CA10: variants seen among roughly 807,000 people sequenced by gnomAD.
CA10 encodes the protein carbonic anhydrase 10 (inactive).
CA10 carries 14 observed loss-of-function variants against 44.2 expected under a neutral mutation model. That is an observed-to-expected ratio of 0.32 (90% CI 0.21 to 0.50). CA10 has a LOEUF of 0.50. Ranked by LOEUF, CA10 falls within the 20% of genes least tolerant of loss-of-function variation. The pLI, the probability that CA10 is intolerant of heterozygous loss-of-function variation, is 0.99. For synonymous variants in CA10, 159 were observed against 141.6 expected (o/e 1.12, Z -0.87); for missense variants, 350 against 409.7 (o/e 0.85, Z 1.26).
intron 3 of CA10, among the ~76,000 whole-genome samples, chr17:51,837,913 C>A (rs1978292504): frequency 6.6e-6 from 1 of 152,276 alleles, no homozygotes; most frequent in Middle Eastern, 3.4e-3. Flanking sequence ...TGGTCAAGGG[C>A]AAATTTGGAT....
At chr17:51,745,699 A>G (rs977240851) in intron 4 of CA10, among the ~76,000 whole-genome samples, 1 of 152,260 alleles carries the variant, frequency 6.6e-6, no homozygotes, top group South Asian at 2.1e-4. Flanking sequence ...AAGTGTCACT[A>G]AAGAATAATA....
At chr17:51,666,466 C>T (rs1914211161) in intron 4 of CA10, among the ~76,000 whole-genome samples, 1 of 152,176 alleles carries the variant, frequency 6.6e-6, no homozygotes, top group Non-Finnish European at 1.5e-5. Flanking sequence ...TTGTTTCTGA[C>T]ACTCGATTGA....
intron 2 of CA10, among the ~76,000 whole-genome samples, chr17:51,964,986 A>C (rs1451260244): frequency 6.6e-6 from 1 of 152,002 alleles, no homozygotes; most frequent in Admixed American, 6.6e-5. Flanking sequence ...AGGATAAACA[A>C]TTTCAATAGA....
chr17:51,903,502 T>C (rs542268754), intron 3 of CA10, among the ~76,000 whole-genome samples: 13 of 152,114 alleles, frequency 8.5e-5, no homozygotes, highest in Admixed American at 2.0e-4. Context: ...AGGCAAACAC[T>C]AATGGAGAGA....
intron 3 of CA10, among the ~76,000 whole-genome samples, chr17:51,893,403 T>C (rs1206435771): frequency 6.6e-6 from 1 of 152,196 alleles, no homozygotes; most frequent in Non-Finnish European, 1.5e-5. Flanking sequence ...GTGATGACTG[T>C]AAAATTAGTG....
intron 3 of CA10, among the ~76,000 whole-genome samples, chr17:51,788,632 T>A (rs1186384829): frequency 6.6e-6 from 1 of 152,196 alleles, no homozygotes; most frequent in Non-Finnish European, 1.5e-5. Flanking sequence ...GCAAAAATAA[T>A]CTTTAAAAAA....
intron 3 of CA10, among the ~76,000 whole-genome samples, chr17:51,759,885 CTAAATA>C (rs1815689018): frequency 6.6e-6 from 1 of 152,154 alleles, no homozygotes; most frequent in African/African-American, 2.4e-5. Context: ...AAAGCTCTTT[CTAAATA>C]TATGTAGTGG....
At chr17:52,021,909 T>A (rs760127017) in intron 2 of CA10, among the ~76,000 whole-genome samples, 71 of 152,008 alleles carry the variant, frequency 4.7e-4, no homozygotes, top group Non-Finnish European at 1.8e-4. Flanking sequence ...AATCAGTCAT[T>A]TTAAAAGACT....
intron 2 of CA10, among the ~76,000 whole-genome samples, chr17:52,056,538 A>G (rs1486475781): frequency 6.6e-6 from 1 of 152,114 alleles, no homozygotes; most frequent in Non-Finnish European, 1.5e-5. Flanking sequence ...AGCCTTTGCT[A>G]TATAGTTTAT....
chr17:51,994,336 A>C (rs1295822367), intron 2 of CA10, among the ~76,000 whole-genome samples: 1 of 152,070 alleles, frequency 6.6e-6, no homozygotes, highest in Non-Finnish European at 1.5e-5. Flanking sequence ...AAGACCCTAC[A>C]TGGTATAATG....
chr17:52,011,942 G>GA (rs1383413100), intron 2 of CA10, among the ~76,000 whole-genome samples: 8 of 152,050 alleles, frequency 5.3e-5, no homozygotes, highest in Non-Finnish European at 8.8e-5. Context: ...GCAATCCACA[G>GA]AAAAAATGGC....
chr17:51,995,498 T>C (rs984335919), intron 2 of CA10, among the ~76,000 whole-genome samples: 1 of 152,040 alleles, frequency 6.6e-6, no homozygotes, highest in African/African-American at 2.4e-5. Flanking sequence ...ATTCAACCAT[T>C]GAGAAAATTT....
chr17:51,753,287 T>A (rs1329244971), intron 3 of CA10, among the ~76,000 whole-genome samples: 1 of 152,224 alleles, frequency 6.6e-6, no homozygotes, highest in Admixed American at 6.5e-5. Context: ...CTAGAAGCAC[T>A]ATGTTCTTTT....
intron 6 of CA10, among the ~76,000 whole-genome samples, chr17:51,646,984 GCCAGGATCTCTTTATCTTGCTTTGGCTC>G (rs572318110): frequency 7.5e-4 from 114 of 151,536 alleles, no homozygotes; most frequent in African/African-American, 2.3e-3. Context: ...CCCCATGCAG[GCCAGGATCTCTTTATCTTGCTTTGGCTC>G]CCCTTTCTTT....
At chr17:52,120,132 C>T (rs1158851242) in intron 1 of CA10, among the ~76,000 whole-genome samples, 2 of 152,208 alleles carry the variant, frequency 1.3e-5, no homozygotes, top group African/African-American at 2.4e-5. Flanking sequence ...CTATAGCCAC[C>T]AGTTATCTGT....
chr17:52,125,235 C>T (rs1441885378), intron 1 of CA10, among the ~76,000 whole-genome samples: 1 of 152,170 alleles, frequency 6.6e-6, no homozygotes, highest in Non-Finnish European at 1.5e-5. Flanking sequence ...TTGCTAGTGT[C>T]TCATTGATAA....
intron 3 of CA10, among the ~76,000 whole-genome samples, chr17:51,859,514 T>A (rs1979207071): frequency 6.6e-6 from 1 of 152,146 alleles, no homozygotes; most frequent in Non-Finnish European, 1.5e-5. Flanking sequence ...GGATACCCAG[T>A]CACACAGTGA....
chr17:52,105,270 T>TTG (rs1567734891), intron 1 of CA10, among the ~76,000 whole-genome samples: 2 of 152,064 alleles, frequency 1.3e-5, no homozygotes, highest in African/African-American at 4.8e-5. Context: ...TTTTTTTTTT[T>TTG]TGAAATGGAG....
At chr17:51,967,160 A>G (rs932680307) in intron 2 of CA10, among the ~76,000 whole-genome samples, 2 of 151,728 alleles carry the variant, frequency 1.3e-5, no homozygotes, top group African/African-American at 4.8e-5. Context: ...ATGTGTCAGA[A>G]TGGCTACTAT....
Sources: allele counts gnomAD v4.1 joint callset (sites outside exome capture counted in the v4.1 genomes callset), GRCh38; gene constraint gnomAD v4.1.1; transcripts MANE v1.5; gene names NCBI Gene and HGNC (gene_info 2026-07-23, HGNC 2026-07-21).